Variants in TTC39A observed in about 807,000 individuals in gnomAD.
The protein encoded by TTC39A is tetratricopeptide repeat domain 39A.
Under a neutral mutation model 82.3 loss-of-function variants are expected in TTC39A, and 46 were observed. The observed-to-expected ratio is 0.56, with a 90% CI of 0.44 to 0.71. TTC39A has a LOEUF of 0.71. Among genes scored for constraint, TTC39A ranks in the 30% least tolerant of loss-of-function variants. The pLI is 0.00. For missense variants in TTC39A, 543 were observed against 712.9 expected (o/e 0.76, Z 2.71); for synonymous variants, 254 against 275.2 (o/e 0.92, Z 0.76).
At chr1:51,334,195 C>CAAAAAA (rs763569273), upstream of TTC39A, among the ~76,000 whole-genome samples, 1 of 38,058 alleles carries the variant, frequency 2.6e-5, no homozygotes, top group Non-Finnish European at 5.4e-5. Context: ...CCTGTCTCTA[C>CAAAAAA]AAAAAAAAAA....
Position 51,325,074 on chromosome 1 carries a change from G to A in TTC39A, c.42-3249C>T, listed in dbSNP as rs866708037. Among the ~76,000 whole-genome samples the A allele has an allele frequency of 3.3e-5, 5 of 151,418 alleles. No individual in the cohort carries two copies. In the South Asian group the frequency reaches 1.0e-3, roughly 32 times the overall value. On this transcript the variant is annotated intron_variant, in intron 1 of 17. Coordinates refer to ENST00000680483, the MANE Select transcript of TTC39A (RefSeq NM_001297663.2). ...GTTCGAGACCAGCCTGACCAACATG[G>A]AGAAACCCCGCCTCTACTAAAAATA... is the stretch of plus-strand genomic sequence containing the variant.
intron 12 of TTC39A, 164 bp downstream of exon 12, chr1:51,301,408 C>T (rs1251520322): frequency 6.9e-6 from 6 of 868,104 alleles, no homozygotes; most frequent in Non-Finnish European, 1.0e-5. Context: ...AGAAGTTTCT[C>T]TTGTGGTCTT....
chr1:51,336,621 A>G (rs558823019), intron 1 of TTC39A, among the ~76,000 whole-genome samples: 2 of 152,254 alleles, frequency 1.3e-5, no homozygotes, highest in African/African-American at 4.8e-5. Context: ...AGAACTTGGG[A>G]TGCAAAGACA....
chr1:51,298,552 G>A (rs1484607241), intron 12 of TTC39A: 1 of 152,442 alleles, frequency 6.6e-6, no homozygotes, highest in Non-Finnish European at 1.5e-5. Flanking sequence ...GTTAGGATGG[G>A]GGCTGTGACT....
intron 5 of TTC39A, 48 bp from the exon 6 acceptor site, chr1:51,309,373 A>C (rs1348280684): frequency 6.2e-7 from 1 of 1,611,884 alleles, no homozygotes. Context: ...GGGCAGCTGC[A>C]GGCGTGAGAG....
rs1172200814 is a variant in TTC39A at position 51,294,957 on chromosome 1, G to A, written c.1146-446C>T. On this transcript the variant is annotated intron_variant, in intron 13 of 17. Coordinates refer to ENST00000680483, the MANE Select transcript of TTC39A (RefSeq NM_001297663.2). The surrounding 1 kb of genome is among the most constrained non-coding windows in gnomAD (Gnocchi z 4.3). Reference sequence around the variant, plus strand: ...AATTAACTCTTGCCTCGCGAGTTCTGGCCTTCTCAGCTGTTTCCAAGGGCA... The same window carrying A: ...AATTAACTCTTGCCTCGCGAGTTCTAGCCTTCTCAGCTGTTTCCAAGGGCA... Among the ~76,000 whole-genome samples the A allele has an allele frequency of 6.6e-6, 1 of 152,172 alleles. No individual in the cohort carries two copies. The highest frequency in any genetic ancestry group is 1.5e-5 in the Non-Finnish European group (1 of 68,028).
chr1:51,318,797 G>A lies in TTC39A; in HGVS notation c.146+2924C>T, dbSNP rs142182953. 5.3e-5 allele frequency among the ~76,000 whole-genome samples: 8 copies of A among 152,240 alleles called. No individual in the cohort carries two copies. In the East Asian group the frequency reaches 9.7e-4, roughly 18 times the overall value. On this transcript the variant is annotated intron_variant, in intron 2 of 17. Coordinates refer to ENST00000680483, the MANE Select transcript of TTC39A (RefSeq NM_001297663.2). ...CTCTCTGGAGAAGTTAAGCCATCCC[G>A]GGTGCTGACATCTGGGGGCCAGCTC...
Position 51,291,760 on chromosome 1 carries a change from C to CACCCCACT in TTC39A, c.1267-1143_1267-1136dup, listed in dbSNP as rs554150840. Among the ~76,000 whole-genome samples, 81 of 148,398 alleles carry CACCCCACT rather than the reference C, an allele frequency of 5.5e-4. 1 individual carries two copies. The East Asian group carries it at 0.016, about 29-fold the overall frequency. On this transcript the variant is annotated intron_variant, in intron 14 of 17. Coordinates refer to ENST00000680483, the MANE Select transcript of TTC39A (RefSeq NM_001297663.2). ...AATCTAGGCTGCAGTGAGCTATGATCACCCCACTGCATTCCAGCCTGGGTG... is the reference window on the plus strand; with the variant it reads ...AATCTAGGCTGCAGTGAGCTATGATCACCCCACTACCCCACTGCATTCCAGCCTGGGTG...
In TTC39A at chr1:51,306,027, G is replaced by A. The variant is rs139469364; in HGVS notation, c.538C>T (p.His180Tyr). 186 of 1,614,028 alleles carry A rather than the reference G, an allele frequency of 1.2e-4. 1 individual carries two copies. The East Asian group carries it at 4.1e-3, about 36-fold the overall frequency. Residue 180 changes from histidine to tyrosine, a missense_variant, in exon 7 of 18, where the codon CAC becomes TAC. Coordinates refer to ENST00000680483, the MANE Select transcript of TTC39A (RefSeq NM_001297663.2). Reference sequence around the variant, plus strand: ...TTCACTCCTCCTTCAAAGTGCGGGTGGTTCTCACCCTTGCAGTATTGTGAG... The same window carrying A: ...TTCACTCCTCCTTCAAAGTGCGGGTAGTTCTCACCCTTGCAGTATTGTGAG... ...QSSQYCKGEN[H>Y]PHFEGGVKLG...
At chr1:51,290,475 G>C in intron 15 of TTC39A, 39 bp downstream of exon 15, 1 of 1,581,872 alleles carries the variant, frequency 6.3e-7, no homozygotes. Context: ...GTAAAGACCT[G>C]ACCTAGCATG....
intron 7 of TTC39A, chr1:51,305,553 C>T: frequency 3.2e-6 from 1 of 308,540 alleles, no homozygotes; most frequent in South Asian, 3.5e-5. Flanking sequence ...CCTTCCCCCA[C>T]TCCATGCAGG....
chr1:51,292,774 G>C (rs543312439), intron 14 of TTC39A, among the ~76,000 whole-genome samples: 1 of 152,010 alleles, frequency 6.6e-6, no homozygotes, highest in East Asian at 1.9e-4. Context: ...CCCTTCCCCC[G>C]AAATAAATAA....
intron 14 of TTC39A, among the ~76,000 whole-genome samples, chr1:51,291,204 G>C (rs187528202): frequency 2.0e-5 from 3 of 151,826 alleles, no homozygotes; most frequent in Non-Finnish European, 2.9e-5. Context: ...AAAAAATTTG[G>C]GGGGGGCCAG....
chr1:51,339,576 A>G (rs1299098327), intron 1 of TTC39A, among the ~76,000 whole-genome samples: 2 of 152,172 alleles, frequency 1.3e-5, no homozygotes, highest in African/African-American at 4.8e-5. Flanking sequence ...GGAGAGGGCC[A>G]TAACATCATA....
At chr1:51,293,216 C>G (rs894344307) in intron 14 of TTC39A, among the ~76,000 whole-genome samples, 1 of 151,942 alleles carries the variant, frequency 6.6e-6, no homozygotes, top group South Asian at 2.1e-4. Flanking sequence ...TACAGGCATG[C>G]GCCACCACGC....
At chr1:51,293,217 G>A (rs1032876460) in intron 14 of TTC39A, among the ~76,000 whole-genome samples, 9 of 151,986 alleles carry the variant, frequency 5.9e-5, no homozygotes, top group Admixed American at 2.0e-4. Flanking sequence ...ACAGGCATGC[G>A]CCACCACGCC....
At chr1:51,343,225 A>G (rs1229055692) in intron 1 of TTC39A, 17 of 361,338 alleles carry the variant, frequency 4.7e-5, no homozygotes, top group South Asian at 3.2e-4. Context: ...TCTCCTTTCC[A>G]TAAGTAGTGG....
intron 12 of TTC39A, 124 bp from the exon 13 acceptor site, chr1:51,296,294 G>A (rs940203956): frequency 7.2e-5 from 65 of 906,958 alleles, no homozygotes; most frequent in Non-Finnish European, 1.0e-4. Context: ...AGCCCCAGGG[G>A]AGAAATGAAG....
intron 2 of TTC39A, among the ~76,000 whole-genome samples, chr1:51,316,295 C>T (rs1457753080): frequency 2.6e-5 from 4 of 152,176 alleles, no homozygotes; most frequent in African/African-American, 7.2e-5. Context: ...CAGAATGGCT[C>T]TGCTTCTGGA....
Sources: gnomAD v4.1 joint callset for allele counts (sites outside exome capture counted in the v4.1 genomes callset) on GRCh38, gnomAD v4.1.1 for gene constraint, Gnocchi (gnomAD v3.1) non-coding constraint, MANE v1.5 for transcripts, NCBI Gene and HGNC (gene_info 2026-07-23, HGNC 2026-07-21) for gene names.